PRELID2: variants seen among roughly 807,000 people sequenced by gnomAD.
PRELID2 encodes the protein PRELI domain containing 2.
Under a neutral mutation model 28.4 loss-of-function variants are expected in PRELID2, and 25 were observed. The observed-to-expected ratio is 0.88, with a 90% CI of 0.64 to 1.23. The LOEUF is 1.23. Ranked by LOEUF, PRELID2 falls within the 50% of genes most tolerant of loss-of-function variation. PRELID2 has a pLI of 0.00. For missense variants in PRELID2, 201 were observed against 214.4 expected (o/e 0.94, Z 0.39); for synonymous variants, 76 against 71.6 (o/e 1.06, Z -0.31).
intron 1 of PRELID2, among the ~76,000 whole-genome samples, chr5:145,639,187 T>G (rs1018564641): frequency 3.3e-5 from 5 of 152,212 alleles, no homozygotes; most frequent in African/African-American, 1.2e-4. Flanking sequence ...GGAAAACCTA[T>G]TGCATATATA....
At chr5:145,487,266 A>C (rs991422322) in intron 1 of PRELID2, among the ~76,000 whole-genome samples, 1 of 152,016 alleles carries the variant, frequency 6.6e-6, no homozygotes, top group African/African-American at 2.4e-5. Flanking sequence ...CTAAGTCGTC[A>C]GGGGGCCACA....
At chr5:145,254,296 C>G in the PRELID2 span, among the ~76,000 whole-genome samples, 1 of 152,050 alleles carries the variant, frequency 6.6e-6, no homozygotes, top group African/African-American at 2.4e-5. Context: ...CATTGTATAT[C>G]CAATAAATAT....
intron 1 of PRELID2, among the ~76,000 whole-genome samples, chr5:145,823,522 C>T (rs1754972470): frequency 6.6e-6 from 1 of 152,168 alleles, no homozygotes; most frequent in African/African-American, 2.4e-5. Context: ...TCTGTTATAA[C>T]TGATTTATGT....
downstream of PRELID2, among the ~76,000 whole-genome samples, chr5:145,469,207 T>G (rs1347832353): frequency 6.6e-6 from 1 of 152,102 alleles, no homozygotes; most frequent in Non-Finnish European, 1.5e-5. Context: ...TTAGGTGCCC[T>G]GATTCAATAT....
intron 1 of PRELID2, among the ~76,000 whole-genome samples, chr5:145,539,968 TTTC>T (rs1308845067): frequency 6.6e-6 from 1 of 151,858 alleles, no homozygotes; most frequent in African/African-American, 2.4e-5. Flanking sequence ...GATTGTCGCT[TTTC>T]TTATTTTTTT....
chr5:145,797,348 T>C (rs1345867865), intron 4 of PRELID2, among the ~76,000 whole-genome samples: 1 of 152,006 alleles, frequency 6.6e-6, no homozygotes, highest in Non-Finnish European at 1.5e-5. Flanking sequence ...ATAAGAAACT[T>C]TGTTGCTTTT....
chr5:145,766,385 C>T (rs1273587191), intron 5 of PRELID2, among the ~76,000 whole-genome samples: 4 of 152,136 alleles, frequency 2.6e-5, no homozygotes, highest in Admixed American at 2.0e-4. Flanking sequence ...GGGCTGTGAA[C>T]ACCACGTGGG....
chr5:145,256,622 T>C, the PRELID2 span, among the ~76,000 whole-genome samples: 1 of 151,974 alleles, frequency 6.6e-6, no homozygotes, highest in Non-Finnish European at 1.5e-5. Context: ...TGTGTGTTCA[T>C]AAATCCATAA....
chr5:145,502,718 A>C (rs372822474), intron 1 of PRELID2, among the ~76,000 whole-genome samples: 1 of 152,138 alleles, frequency 6.6e-6, no homozygotes. Flanking sequence ...CTCAATATGC[A>C]TATAATGAAT....
the PRELID2 span, among the ~76,000 whole-genome samples, chr5:145,396,180 C>T: frequency 1.4e-4 from 21 of 152,258 alleles, no homozygotes; most frequent in African/African-American, 5.1e-4. Context: ...ATTAAGCACA[C>T]TTTCATCAAA....
chr5:145,489,802 T>A (rs1461579533), intron 1 of PRELID2, among the ~76,000 whole-genome samples: 1 of 152,220 alleles, frequency 6.6e-6, no homozygotes, highest in Non-Finnish European at 1.5e-5. Context: ...TGATCTCTTT[T>A]ATCTTCAGAA....
At chr5:145,657,555 C>T (rs1195822886) in intron 1 of PRELID2, among the ~76,000 whole-genome samples, 7 of 152,036 alleles carry the variant, frequency 4.6e-5, no homozygotes, top group African/African-American at 7.2e-5. Context: ...CGTGGTGGCA[C>T]GCACCTGTGG....
chr5:145,393,022 G>T, the PRELID2 span, among the ~76,000 whole-genome samples: 2 of 152,070 alleles, frequency 1.3e-5, no homozygotes, highest in Admixed American at 1.3e-4. Flanking sequence ...ACTTTACCTG[G>T]CGAAGCACCA....
intron 1 of PRELID2, among the ~76,000 whole-genome samples, chr5:145,663,807 C>T (rs1211712255): frequency 6.6e-6 from 1 of 152,074 alleles, no homozygotes; most frequent in Non-Finnish European, 1.5e-5. Flanking sequence ...AGTAACAGAA[C>T]CCAATGCATA....
intron 1 of PRELID2, among the ~76,000 whole-genome samples, chr5:145,623,716 A>C (rs536094717): frequency 6.6e-6 from 1 of 152,330 alleles, no homozygotes; most frequent in African/African-American, 2.4e-5. Context: ...TTATTCAGTA[A>C]GTAGTGTTAA....
At chr5:145,740,423 T>C (rs1227883216) in intron 1 of PRELID2, among the ~76,000 whole-genome samples, 1 of 139,368 alleles carries the variant, frequency 7.2e-6, no homozygotes, top group Non-Finnish European at 1.5e-5. Context: ...AGGTGGTGAC[T>C]ACAAAACGTT....
intron 1 of PRELID2, among the ~76,000 whole-genome samples, chr5:145,565,970 G>C (rs1332670425): frequency 6.6e-6 from 1 of 152,244 alleles, no homozygotes; most frequent in Non-Finnish European, 1.5e-5. Context: ...CACATCTAGA[G>C]CTTTGGAGTG....
the PRELID2 span, among the ~76,000 whole-genome samples, chr5:145,230,895 A>G: frequency 1.3e-5 from 2 of 152,132 alleles, no homozygotes. Flanking sequence ...TAACACATGG[A>G]CCTCTTCATA....
At chr5:145,647,820 G>A (rs961342801) in intron 1 of PRELID2, among the ~76,000 whole-genome samples, 5 of 152,154 alleles carry the variant, frequency 3.3e-5, no homozygotes, top group African/African-American at 1.2e-4. Context: ...CGCTTCCCGG[G>A]TTATGCGATT....
Sources: allele counts gnomAD v4.1 joint callset (sites outside exome capture counted in the v4.1 genomes callset), GRCh38; gene constraint gnomAD v4.1.1; transcripts MANE v1.5; gene names NCBI Gene and HGNC (gene_info 2026-07-23, HGNC 2026-07-21).